FYN: variants seen among roughly 807,000 people sequenced by gnomAD.
FYN encodes the protein FYN proto-oncogene, Src family tyrosine kinase, also known as tyrosine-protein kinase Fyn.
Under a neutral mutation model 70.2 loss-of-function variants are expected in FYN, and 10 were observed. The observed-to-expected ratio is 0.14, with a 90% CI of 0.09 to 0.24. The LOEUF (loss-of-function observed/expected upper bound fraction) is 0.24, where lower values mean the gene tolerates loss of function less well. Ranked by LOEUF, FYN falls within the 10% of genes least tolerant of loss-of-function variation. The probability of loss-of-function intolerance (pLI) is 1.00; values close to 1 mark genes in which losing one functional copy is unlikely to be tolerated. For missense variants in FYN, 319 were observed against 673.1 expected, an observed-to-expected ratio of 0.47 and a Z score of 5.82; for synonymous variants, 236 against 248.6, an observed-to-expected ratio of 0.95 and a Z score of 0.48.
intron 13 of FYN, among the ~76,000 whole-genome samples, chr6:111,666,175 A>C (rs971355044): frequency 4.6e-5 from 7 of 151,968 alleles, no homozygotes; most frequent in Non-Finnish European, 1.0e-4. Flanking sequence ...GAAGAGACAG[A>C]AACTTTATAA....
intron 3 of FYN, among the ~76,000 whole-genome samples, chr6:111,743,639 A>C (rs576951473): frequency 5.3e-5 from 8 of 152,202 alleles, no homozygotes; most frequent in Non-Finnish European, 1.2e-4. Flanking sequence ...CCCTGAAAGG[A>C]AGATAAGTGG....
At chr6:111,665,602 G>A (rs1345563302) in intron 13 of FYN, among the ~76,000 whole-genome samples, 2 of 150,624 alleles carry the variant, frequency 1.3e-5, no homozygotes, top group African/African-American at 5.0e-5. Context: ...ACACTAGAGA[G>A]AGGAATCCTT....
At chr6:111,793,546 A>G (rs545114469) in intron 2 of FYN, 1 of 152,226 alleles carries the variant, frequency 6.6e-6, no homozygotes, top group Non-Finnish European at 1.5e-5. Context: ...ACAACAGCTC[A>G]GCCTGCCTTT....
At chr6:111,807,831 C>T (rs1180579470) in intron 2 of FYN, among the ~76,000 whole-genome samples, 2 of 152,082 alleles carry the variant, frequency 1.3e-5, no homozygotes, top group African/African-American at 4.8e-5. Context: ...AGGTCAGGGC[C>T]GGATGTGGTG....
chr6:111,806,133 G>A (rs918665103), intron 2 of FYN, among the ~76,000 whole-genome samples: 4 of 152,292 alleles, frequency 2.6e-5, no homozygotes, highest in South Asian at 2.1e-4. Flanking sequence ...ATCTAATTTA[G>A]ATTGTAGAAA....
intron 3 of FYN, among the ~76,000 whole-genome samples, chr6:111,749,585 G>A (rs1286010444): frequency 6.6e-6 from 1 of 152,150 alleles, no homozygotes; most frequent in Non-Finnish European, 1.5e-5. Context: ...TTTTAGTTCA[G>A]GTTCTACCCT....
At chr6:111,841,943 G>C (rs1262315078) in intron 2 of FYN, among the ~76,000 whole-genome samples, 2 of 151,958 alleles carry the variant, frequency 1.3e-5, no homozygotes, top group East Asian at 3.9e-4. Flanking sequence ...AACAATGATT[G>C]CCTTTGAGTC....
chr6:111,802,866 A>G (rs1772033228), intron 2 of FYN, among the ~76,000 whole-genome samples: 2 of 152,102 alleles, frequency 1.3e-5, no homozygotes, highest in Admixed American at 1.3e-4. Flanking sequence ...CCACTTAACC[A>G]CTATTTACCA....
intron 5 of FYN, among the ~76,000 whole-genome samples, chr6:111,712,529 G>GC (rs11433507): frequency 0.13 from 19,985 of 152,064 alleles, 2,528 homozygotes; most frequent in African/African-American, 0.33. Flanking sequence ...TTCTCAGGAT[G>GC]CCTCCCTGCA....
chr6:111,802,113 A>G (rs1469353102), intron 2 of FYN, among the ~76,000 whole-genome samples: 2 of 152,142 alleles, frequency 1.3e-5, no homozygotes, highest in African/African-American at 4.8e-5. Context: ...CAGATGTTGG[A>G]GGTGGGGCCT....
intron 3 of FYN, among the ~76,000 whole-genome samples, chr6:111,750,227 TG>T (rs1431100556): frequency 1.3e-5 from 2 of 152,214 alleles, no homozygotes; most frequent in African/African-American, 2.4e-5. Flanking sequence ...GGGAGGTAAT[TG>T]GGTCATGGGG....
chr6:111,853,168 A>G (rs1392484256), intron 1 of FYN, among the ~76,000 whole-genome samples: 1 of 152,178 alleles, frequency 6.6e-6, no homozygotes, highest in Non-Finnish European at 1.5e-5. Flanking sequence ...TACTTCCAAG[A>G]GGTGGGGAGG....
intron 1 of FYN, among the ~76,000 whole-genome samples, chr6:111,856,693 T>A (rs886205901): frequency 2.6e-5 from 4 of 152,196 alleles, no homozygotes; most frequent in Non-Finnish European, 5.9e-5. Context: ...GCTGACTCTT[T>A]TCAATTTAAA....
chr6:111,682,873 G>C (rs1798835973), intron 12 of FYN, among the ~76,000 whole-genome samples: 1 of 152,178 alleles, frequency 6.6e-6, no homozygotes. Flanking sequence ...CACAGCGTCT[G>C]GTACCTGGTA....
rs971308613 is a variant in FYN at position 111,683,924 on chromosome 6, T to C, written c.1274-9294A>G. Among the ~76,000 whole-genome samples the C allele has an allele frequency of 1.3e-5, 2 of 152,180 alleles. 1 individual carries two copies. The highest frequency in any genetic ancestry group is 4.8e-5 in the African/African-American group (2 of 41,442). On this transcript the variant is annotated intron_variant, in intron 12 of 13. Transcript: ENST00000354650. Reference sequence around the variant, plus strand: ...CTTGGCAAAGCAAAACTCAGAATTTTCACACTAGGCCAAAGGAATGACTTT... The same window carrying C: ...CTTGGCAAAGCAAAACTCAGAATTTCCACACTAGGCCAAAGGAATGACTTT...
chr6:111,688,018 A>G (rs1799100191), intron 12 of FYN, among the ~76,000 whole-genome samples: 2 of 152,128 alleles, frequency 1.3e-5, no homozygotes, highest in Admixed American at 1.3e-4. Context: ...AGGTCAAGCT[A>G]TCCAAAAAAA....
At chr6:111,848,191 C>T (rs1266866973) in intron 1 of FYN, among the ~76,000 whole-genome samples, 1 of 152,170 alleles carries the variant, frequency 6.6e-6, no homozygotes, top group East Asian at 1.9e-4. Context: ...TCTGCAGAGG[C>T]TCAGAAAAGT....
chr6:111,819,301 A>C (rs1772585503), intron 2 of FYN, among the ~76,000 whole-genome samples: 1 of 152,176 alleles, frequency 6.6e-6, no homozygotes, highest in Non-Finnish European at 1.5e-5. Context: ...AACATTCCCA[A>C]AAGGAGTCTG....
intron 3 of FYN, among the ~76,000 whole-genome samples, chr6:111,777,907 G>A (rs1771014044): frequency 6.6e-6 from 1 of 152,210 alleles, no homozygotes; most frequent in Admixed American, 6.5e-5. Context: ...AGGATGAGCT[G>A]CGCCTGGGCT....
Sources: gnomAD v4.1 joint callset for allele counts (sites outside exome capture counted in the v4.1 genomes callset) on GRCh38, gnomAD v4.1.1 for gene constraint, MANE v1.5 for transcripts, NCBI Gene and HGNC (gene_info 2026-07-23, HGNC 2026-07-21) for gene names.